Variants in CHRM3 observed in about 807,000 individuals in gnomAD.
CHRM3 encodes cholinergic receptor muscarinic 3.
A neutral mutation model predicts 41.8 loss-of-function variants in CHRM3; 11 were observed. That is an observed-to-expected ratio of 0.26 (90% confidence interval 0.17 to 0.44). The LOEUF is 0.44. Among genes scored for constraint, CHRM3 ranks in the 20% least tolerant of loss-of-function variants. CHRM3 has a pLI of 1.00. For synonymous variants in CHRM3, 297 were observed against 301.4 expected (o/e 0.99, Z 0.15); for missense variants, 571 against 745.4 (o/e 0.77, Z 2.72).
chr1:239,508,480 A>G (rs1478724650), intron 2 of CHRM3, among the ~76,000 whole-genome samples: 1 of 152,162 alleles, frequency 6.6e-6, no homozygotes, highest in Non-Finnish European at 1.5e-5. Context: ...GTTATTTGCA[A>G]TTTAATACTT....
intron 6 of CHRM3, among the ~76,000 whole-genome samples, chr1:239,881,118 C>CA (rs1230298454): frequency 1.3e-5 from 2 of 151,282 alleles, no homozygotes; most frequent in East Asian, 2.0e-4. Flanking sequence ...CCCGTCTCTA[C>CA]AAAAAATACA....
chr1:239,863,936 T>G (rs1675849998), intron 6 of CHRM3, among the ~76,000 whole-genome samples: 1 of 152,178 alleles, frequency 6.6e-6, no homozygotes, highest in African/African-American at 2.4e-5. Context: ...GTAGAGGTTA[T>G]TCCAGGAATG....
intron 3 of CHRM3, among the ~76,000 whole-genome samples, chr1:239,617,299 A>C (rs887448156): frequency 6.6e-5 from 10 of 152,188 alleles, no homozygotes; most frequent in African/African-American, 1.7e-4. Context: ...ATCCAGTAGA[A>C]TCTAGGAAAT....
At chr1:239,621,119 C>T (rs1360209137) in intron 3 of CHRM3, among the ~76,000 whole-genome samples, 1 of 152,050 alleles carries the variant, frequency 6.6e-6, no homozygotes, top group African/African-American at 2.4e-5. Context: ...TTATATATGA[C>T]ATGGTGATCT....
intron 6 of CHRM3, among the ~76,000 whole-genome samples, chr1:239,882,036 G>T (rs960539923): frequency 2.6e-5 from 4 of 152,134 alleles, no homozygotes; most frequent in African/African-American, 9.7e-5. Flanking sequence ...CTCCTGAGTA[G>T]CTGGGATTAC....
intron 5 of CHRM3, among the ~76,000 whole-genome samples, chr1:239,701,337 G>A (rs555249226): frequency 6.6e-6 from 1 of 152,152 alleles, no homozygotes; most frequent in South Asian, 2.1e-4. Context: ...ATAAACTAAT[G>A]AGCAAGACCA....
chr1:239,776,239 A>T (rs1558111966), intron 5 of CHRM3, among the ~76,000 whole-genome samples: 1 of 152,182 alleles, frequency 6.6e-6, no homozygotes, highest in Non-Finnish European at 1.5e-5. Context: ...CCATGTTACC[A>T]GCTTTGTGCC....
chr1:239,873,492 AGCCACCCACCCCCTGACAG>A (rs994931917), intron 6 of CHRM3, among the ~76,000 whole-genome samples: 1 of 150,488 alleles, frequency 6.6e-6, no homozygotes, highest in Non-Finnish European at 1.5e-5. Context: ...TCCCTCCCCT[AGCCACCCACCCCCTGACAG>A]GCCCCAGTGT....
chr1:239,404,390 A>C (rs1311118276), intron 1 of CHRM3, among the ~76,000 whole-genome samples: 1 of 82,752 alleles, frequency 1.2e-5, no homozygotes, highest in Non-Finnish European at 2.3e-5. Flanking sequence ...GAAAGAAAGA[A>C]AGAAAGAAAG....
intron 5 of CHRM3, among the ~76,000 whole-genome samples, chr1:239,810,062 T>C (rs982902737): frequency 6.6e-6 from 1 of 152,226 alleles, no homozygotes; most frequent in Non-Finnish European, 1.5e-5. Flanking sequence ...GCGTATGGAA[T>C]GCAGCCACCA....
chr1:239,822,198 C>T (rs574264951), intron 5 of CHRM3, among the ~76,000 whole-genome samples: 7 of 152,260 alleles, frequency 4.6e-5, no homozygotes, highest in Non-Finnish European at 8.8e-5. Context: ...TTATATCTTT[C>T]GAAAGTATGG....
intron 1 of CHRM3, among the ~76,000 whole-genome samples, chr1:239,421,819 T>C (rs1174491069): frequency 6.6e-6 from 1 of 152,190 alleles, no homozygotes; most frequent in Non-Finnish European, 1.5e-5. Context: ...TACTCCTCGT[T>C]GCCAAACCAC....
At chr1:239,430,823 G>A (rs1180842992) in intron 1 of CHRM3, among the ~76,000 whole-genome samples, 1 of 150,440 alleles carries the variant, frequency 6.6e-6, no homozygotes, top group East Asian at 1.9e-4. Context: ...AATGTTGCCT[G>A]GTACATTGAT....
intron 6 of CHRM3, among the ~76,000 whole-genome samples, chr1:239,890,732 A>G (rs1233627076): frequency 6.6e-6 from 1 of 152,210 alleles, no homozygotes; most frequent in East Asian, 1.9e-4. Flanking sequence ...AACTTCAAAT[A>G]TTAACACAAT....
intron 5 of CHRM3, among the ~76,000 whole-genome samples, chr1:239,776,001 C>A (rs186094033): frequency 6.6e-5 from 10 of 152,210 alleles, no homozygotes; most frequent in African/African-American, 2.4e-4. Flanking sequence ...TGAAGTCTTA[C>A]ATATTTTAGA....
rs371781315 is a variant in CHRM3, at chr1:239,869,830, A to G, written c.-19-37603A>G. Among the ~76,000 whole-genome samples the G allele has an allele frequency of 1.4e-4, 21 of 152,274 alleles. No individual in the cohort carries two copies. In the East Asian group the frequency reaches 2.1e-3, roughly 15 times the overall value. On this transcript the variant is annotated intron_variant, in intron 6 of 6. Transcript: ENST00000676153. The stretch of plus-strand genomic sequence containing the variant: ...CTTCGTGGGTGTTTGGTAAATACTT[A>G]TCGATGGAGTATTCATTTGACTGAT...
At chr1:239,701,115 G>T (rs1660647849) in intron 5 of CHRM3, among the ~76,000 whole-genome samples, 1 of 152,092 alleles carries the variant, frequency 6.6e-6, no homozygotes, top group East Asian at 1.9e-4. Flanking sequence ...TGACTGATTG[G>T]CAATCCAGTT....
At chr1:239,770,694 A>G (rs1190281423) in intron 5 of CHRM3, among the ~76,000 whole-genome samples, 1 of 152,190 alleles carries the variant, frequency 6.6e-6, no homozygotes, top group African/African-American at 2.4e-5. Context: ...AGAGGGAACT[A>G]TTAGACTTAA....
chr1:239,886,336 T>C (rs1283021469), intron 6 of CHRM3: 1 of 152,164 alleles, frequency 6.6e-6, no homozygotes, highest in Non-Finnish European at 1.5e-5. Context: ...GTGATACTGC[T>C]TTGGGTTATG....
Sources: allele counts gnomAD v4.1 joint callset (sites outside exome capture counted in the v4.1 genomes callset), GRCh38; gene constraint gnomAD v4.1.1; transcripts MANE v1.5; gene names NCBI Gene and HGNC (gene_info 2026-07-23, HGNC 2026-07-21).